The following SEC23A variants were observed in gnomAD, a reference collection of about 807,000 sequenced individuals.
The protein encoded by SEC23A is protein transport protein Sec23A.
SEC23A carries 56 observed loss-of-function variants against 103.7 expected under a neutral mutation model. The ratio of observed to expected loss-of-function variants is 0.54; its 90% CI spans 0.44 to 0.67. SEC23A has a LOEUF of 0.67. SEC23A is among the 30% of genes least tolerant of loss of function. The pLI is 0.00. For synonymous variants in SEC23A, 281 were observed against 293.0 expected, an observed-to-expected ratio of 0.96 and a Z score of 0.42; for missense variants, 784 against 936.4, an observed-to-expected ratio of 0.84 and a Z score of 2.12.
chr14:39,069,459 T>TTTA (rs779328177), intron 9 of SEC23A, among the ~76,000 whole-genome samples: 28 of 152,000 alleles, frequency 1.8e-4, no homozygotes, highest in Non-Finnish European at 2.2e-4. Context: ...GTACATTCTC[T>TTTA]TTATTATTAT....
intron 9 of SEC23A, among the ~76,000 whole-genome samples, chr14:39,070,894 G>A (rs1566498617): frequency 6.6e-6 from 1 of 152,164 alleles, no homozygotes; most frequent in Non-Finnish European, 1.5e-5. Flanking sequence ...GGACGTAGTG[G>A]CGCATGCCTG....
At chr14:39,042,635 T>A (rs1885685012) in intron 17 of SEC23A, 151 bp downstream of exon 17, 1 of 606,278 alleles carries the variant, frequency 1.6e-6, no homozygotes, top group East Asian at 2.9e-5. Context: ...CCTAAAACCT[T>A]ATAGTAGGCA....
intron 18 of SEC23A, chr14:39,039,333 G>C (rs1225415040): frequency 2.2e-6 from 1 of 459,992 alleles, no homozygotes; most frequent in East Asian, 3.5e-5. Flanking sequence ...ATACATTGTT[G>C]AGTCCAAAAC....
At chr14:39,090,172 T>C (rs925924835) in intron 5 of SEC23A, among the ~76,000 whole-genome samples, 3 of 152,166 alleles carry the variant, frequency 2.0e-5, no homozygotes, top group Non-Finnish European at 4.4e-5. Flanking sequence ...CATTTTGGTC[T>C]ACCTGGAAGC....
intron 5 of SEC23A, among the ~76,000 whole-genome samples, chr14:39,089,165 C>CAA (rs58732430): frequency 8.7e-5 from 6 of 69,308 alleles, no homozygotes; most frequent in Non-Finnish European, 9.2e-5. Context: ...GACTCCGTGT[C>CAA]AAAAAAAAAA....
At chr14:39,039,345 C>A in intron 18 of SEC23A, 1 of 401,794 alleles carries the variant, frequency 2.5e-6, no homozygotes, top group Non-Finnish European at 4.2e-6. Context: ...GTCCAAAACT[C>A]AGCATATAAA....
intron 8 of SEC23A, 101 bp from the exon 9 acceptor site, chr14:39,074,631 A>C: frequency 1.5e-6 from 1 of 688,736 alleles, no homozygotes. Context: ...AGAGTAACTC[A>C]TAATTTAAAT....
chr14:39,065,307 C>T (rs767895994), intron 10 of SEC23A, among the ~76,000 whole-genome samples: 9 of 152,026 alleles, frequency 5.9e-5, no homozygotes, highest in Non-Finnish European at 1.2e-4. Context: ...CTTAGACACC[C>T]TATTCTATTT....
chr14:39,035,768 A>G (rs1006230557), intron 19 of SEC23A, among the ~76,000 whole-genome samples: 6 of 152,216 alleles, frequency 3.9e-5, no homozygotes, highest in Admixed American at 3.9e-4. Flanking sequence ...GAAAATCAAA[A>G]ATGAAAATGA....
At chr14:39,046,558 T>C (rs1232716309) in intron 15 of SEC23A, among the ~76,000 whole-genome samples, 4 of 152,032 alleles carry the variant, frequency 2.6e-5, no homozygotes, top group African/African-American at 9.7e-5. Context: ...TGAGAACGAA[T>C]ACCATGACTT....
intron 15 of SEC23A, chr14:39,047,505 A>G (rs974850629): frequency 3.3e-5 from 24 of 730,044 alleles, no homozygotes; most frequent in Non-Finnish European, 4.4e-5. Flanking sequence ...CAAAAACAAC[A>G]ACAACAAAAA....
At chr14:39,091,404 C>T (rs1014599434) in intron 5 of SEC23A, 73 bp downstream of exon 5, 3 of 1,100,294 alleles carry the variant, frequency 2.7e-6, no homozygotes, top group Admixed American at 3.6e-5. Context: ...GTCCTAGAAA[C>T]ATACAGAAGG....
intron 10 of SEC23A, among the ~76,000 whole-genome samples, chr14:39,065,392 C>T (rs1405052644): frequency 2.0e-5 from 3 of 150,886 alleles, no homozygotes; most frequent in Non-Finnish European, 4.4e-5. Context: ...TAAGCTATCA[C>T]AATACCTTCT....
intron 17 of SEC23A, 191 bp from the exon 18 acceptor site, chr14:39,041,078 TTC>T: frequency 1.7e-6 from 1 of 573,046 alleles, no homozygotes. Context: ...AGAATATTTC[TTC>T]TCCTTTAAAA....
At chr14:39,061,939 A>G in intron 12 of SEC23A, 68 bp from the exon 13 acceptor site, 2 of 949,852 alleles carry the variant, frequency 2.1e-6, no homozygotes, top group Non-Finnish European at 3.5e-6. Flanking sequence ...ATCACAGGCT[A>G]CATGTCCTAG....
At chr14:39,052,840 AAG>A (rs1430150274) in intron 14 of SEC23A, among the ~76,000 whole-genome samples, 1 of 152,226 alleles carries the variant, frequency 6.6e-6, no homozygotes, top group East Asian at 1.9e-4. Context: ...ATGCTAGGAC[AAG>A]ATGCTGTCTG....
rs146970528 is a variant in SEC23A at position 39,074,964 on chromosome 14, G to A, written c.988-434C>T. Among the ~76,000 whole-genome samples the A allele has an allele frequency of 4.4e-3, 668 of 152,106 alleles. 10 individuals carry two copies. Among genetic ancestry groups the A allele is most frequent in the East Asian group, 0.041 (211 of 5,168 alleles). ...CTACTAAAAATATAAAAAATTAGCC[G>A]GGCGTGGTGGTGGGTGCCTGTATTC... On this transcript the variant is annotated intron_variant, in intron 8 of 19. Transcript: ENST00000307712.
Position 39,086,935 on chromosome 14 carries a change from G to A in SEC23A, c.677C>T (p.Ser226Phe), listed in dbSNP as rs878947292. Residue 226 changes from serine (S) to phenylalanine (F), a missense_variant, in exon 6 of 20, where the codon TCC (serine) becomes TTC (phenylalanine). By Grantham distance (155) the Ser-to-Phe change is radical. This residue lies in a region of SEC23A where 683 missense variants were observed against 774.2 expected (regional missense o/e 0.88). Transcript: ENST00000307712. ...TCTTCATCATATTTATTACCTGTTG[G>A]AAGGAGGTGGCTGCTGTACCTGAGG... Reference protein sequence around the residue: ...RGPQVQQPPPSNRFLQPVQKI... With the variant: ...RGPQVQQPPPFNRFLQPVQKI... The A allele has an allele frequency of 2.5e-6, 4 of 1,579,114 alleles. No homozygotes were observed. The South Asian group carries it at 4.4e-5, about 17-fold the overall frequency.
chr14:39,042,297 C>G (rs1490716476), intron 17 of SEC23A, among the ~76,000 whole-genome samples: 4 of 152,224 alleles, frequency 2.6e-5, no homozygotes, highest in Non-Finnish European at 5.9e-5. Context: ...TGGATTAAAG[C>G]TTAATAGCTA....
Sources: allele counts gnomAD v4.1 joint callset (sites outside exome capture counted in the v4.1 genomes callset), GRCh38; gene constraint gnomAD v4.1.1; regional missense constraint gnomAD v4.1.1; transcripts MANE v1.5; gene names NCBI Gene and HGNC (gene_info 2026-07-23, HGNC 2026-07-21).